The following PRDM12 variants were observed in gnomAD, a reference collection of about 807,000 sequenced individuals.
The protein encoded by PRDM12 is PR domain zinc finger protein 12.
PRDM12 carries 17 observed loss-of-function variants against 29.6 expected under a neutral mutation model. The ratio of observed to expected loss-of-function variants is 0.57; its 90% CI spans 0.39 to 0.86. The LOEUF (loss-of-function observed/expected upper bound fraction) is 0.86, where lower values mean the gene tolerates loss of function less well. Ranked by LOEUF, PRDM12 falls within the 40% of genes least tolerant of loss-of-function variation. PRDM12 has a pLI of 0.00. For synonymous variants in PRDM12, 231 were observed against 225.8 expected (o/e 1.02, Z -0.21); for missense variants, 422 against 510.8 (o/e 0.83, Z 1.68).
chr9:130,665,765 C>T (rs998074268), intron 1 of PRDM12, among the ~76,000 whole-genome samples: 1 of 149,504 alleles, frequency 6.7e-6, no homozygotes, highest in Non-Finnish European at 1.5e-5. Context: ...ACCGTTTAAC[C>T]CCCCCCTTTC....
In PRDM12 at chr9:130,664,921, A is replaced by T; in HGVS notation, c.223+45A>T. 1 of 1,471,532 alleles carries T rather than the reference A, an allele frequency of 6.8e-7. No individual in the cohort carries two copies. The highest frequency in any genetic ancestry group is 9.1e-7 in the Non-Finnish European group (1 of 1,102,878). 91.2% of individuals were successfully genotyped at this position (1,471,532 alleles called of 1,614,324 possible). A position where few individuals can be genotyped will look rare whatever the true frequency, so the allele number is the denominator to read the frequency against. On this transcript the variant is annotated intron_variant, in intron 1 of 4. Transcript: ENST00000253008. The surrounding 1 kb of genome is among the most constrained non-coding windows in gnomAD (Gnocchi z 6.4). Reference sequence around the variant, plus strand: ...CCCGGCGCAATCCCTCCTCCCGGCGACCCCCATTCCCGTCCTGGCGATGCG... The same window carrying T: ...CCCGGCGCAATCCCTCCTCCCGGCGTCCCCCATTCCCGTCCTGGCGATGCG...
chr9:130,668,976 A>G lies in PRDM12; in HGVS notation c.570+663A>G, dbSNP rs937012353. 6.6e-6 allele frequency among the ~76,000 whole-genome samples: 1 copy of G among 152,126 alleles called. No homozygotes were observed. Among genetic ancestry groups the G allele is most frequent in the Admixed American group, 6.5e-5 (1 of 15,276 alleles). On this transcript the variant is annotated intron_variant, in intron 3 of 4. Coordinates refer to ENST00000253008, the MANE Select transcript of PRDM12 (RefSeq NM_021619.3). The surrounding 1 kb of genome is among the most constrained non-coding windows in gnomAD (Gnocchi z 4.0). ...GCCATCTGGGGGGAGTGTTAGCACT[A>G]ATAGCTGCGCTTCCTGAGCCTTCTC...
chr9:130,681,696 G>A lies in PRDM12; in HGVS notation c.*27G>A. On this transcript the variant is annotated 3_prime_UTR_variant, in exon 5 of 5. Transcript: ENST00000253008. The surrounding 1 kb of genome is among the most constrained non-coding windows in gnomAD (Gnocchi z 8.1). ...CGCGCCCGCGCCCCCGCCGGGCCCC[G>A]CGCGCTCCTGGGTCCCCGGCACCCC... is the stretch of plus-strand genomic sequence containing the variant. 1.0e-6 allele frequency: 1 copy of A among 980,578 alleles called. No individual in the cohort carries two copies. Among genetic ancestry groups the A allele is most frequent in the Non-Finnish European group, 1.2e-6 (1 of 827,804 alleles). 60.7% of individuals were successfully genotyped at this position (980,578 alleles called of 1,614,324 possible). A position where few individuals can be genotyped will look rare whatever the true frequency, so the allele number is the denominator to read the frequency against.
Position 130,681,574 on chromosome 9 carries a change from C to A in PRDM12, c.1009C>A (p.Leu337Met). ...CGCGCTGCAGGCACACTCGCCCGCGCTGCCCGCCCCGCACGCGCACGCGCC... is the reference window on the plus strand; with the variant it reads ...CGCGCTGCAGGCACACTCGCCCGCGATGCCCGCCCCGCACGCGCACGCGCC... Reference protein sequence around the residue: ...STALQAHSPALPAPHAHAPAL... With the variant: ...STALQAHSPAMPAPHAHAPAL... Residue 337 changes from leucine to methionine, a missense_variant, in exon 5 of 5, where the codon CTG becomes ATG. By Grantham distance (15) the Leu-to-Met change is conservative (BLOSUM62 2). Coordinates refer to ENST00000253008, the MANE Select transcript of PRDM12 (RefSeq NM_021619.3). The surrounding 1 kb of genome is among the most constrained non-coding windows in gnomAD (Gnocchi z 8.1). 8.4e-7 allele frequency: 1 copy of A among 1,196,140 alleles called. No individual in the cohort carries two copies. Among genetic ancestry groups the A allele is most frequent in the Non-Finnish European group, 1.0e-6 (1 of 964,814 alleles). The allele number at this position is 1,196,140 out of a possible 1,614,324, so 74.1% of individuals were successfully genotyped here.
intron 1 of PRDM12, 128 bp from the exon 2 acceptor site, chr9:130,666,480 C>G: frequency 2.4e-6 from 3 of 1,265,124 alleles, no homozygotes; most frequent in Non-Finnish European, 3.2e-6. Flanking sequence ...GGTGGCTTCT[C>G]TGGATTTGGG....
intron 2 of PRDM12, among the ~76,000 whole-genome samples, chr9:130,667,935 C>T (rs1056743936): frequency 6.6e-6 from 1 of 152,202 alleles, no homozygotes; most frequent in Non-Finnish European, 1.5e-5. Flanking sequence ...CATGGTCAGC[C>T]CATAGAGCCC....
At chr9:130,672,435 C>T (rs13302426) in intron 3 of PRDM12, among the ~76,000 whole-genome samples, 7,058 of 152,266 alleles carry the variant, frequency 0.046, 205 homozygotes, top group Non-Finnish European at 0.069. Context: ...GCGATCTGCC[C>T]GCCTCGGCCT....
rs1290837756 is a variant in PRDM12, at chr9:130,682,286, T to C, written c.*617T>C. On this transcript the variant is annotated 3_prime_UTR_variant, in exon 5 of 5. Coordinates refer to ENST00000253008, the MANE Select transcript of PRDM12 (RefSeq NM_021619.3). The surrounding 1 kb of genome is among the most constrained non-coding windows in gnomAD (Gnocchi z 4.2). ...GAGATGCATCTTCTGGGCCCTTCTC[T>C]CCTTTAGGCCAGCTTACCCCCAAAC... 6.6e-6 allele frequency: 1 copy of C among 152,272 alleles called. No individual in the cohort carries two copies. Among genetic ancestry groups the C allele is most frequent in the Non-Finnish European group, 1.5e-5 (1 of 68,152 alleles). 9.4% of individuals were successfully genotyped at this position (152,272 alleles called of 1,614,324 possible). A position where few individuals can be genotyped will look rare whatever the true frequency, so the allele number is the denominator to read the frequency against.
At position 130,682,893 on chromosome 9, in the gene PRDM12, GTA is replaced by G. The variant is rs1344717163; in HGVS notation, c.*1225_*1226del. 1 of 152,608 alleles carries G rather than the reference GTA, an allele frequency of 6.6e-6. No homozygotes were observed. Among genetic ancestry groups the G allele is most frequent in the South Asian group, 2.1e-4 (1 of 4,838 alleles). The allele number at this position is 152,608 out of a possible 1,614,324, so 9.5% of individuals were successfully genotyped here. A position where few individuals can be genotyped will look rare whatever the true frequency, so the allele number is the denominator to read the frequency against. ...TATCTAAAATGATATTTACAAAACT[GTA>G]ATATATTATTATTTGATTGTATATG... On this transcript the variant is annotated 3_prime_UTR_variant, in exon 5 of 5. Coordinates refer to ENST00000253008, the MANE Select transcript of PRDM12 (RefSeq NM_021619.3). The surrounding 1 kb of genome is among the most constrained non-coding windows in gnomAD (Gnocchi z 4.2).
chr9:130,677,993 G>C (rs1395526900), intron 3 of PRDM12, among the ~76,000 whole-genome samples: 1 of 141,698 alleles, frequency 7.1e-6, no homozygotes, highest in African/African-American at 2.7e-5. Context: ...CGTGTGCACA[G>C]AGACACTCAG....
chr9:130,667,533 T>C (rs2313584), intron 2 of PRDM12, among the ~76,000 whole-genome samples: 99,356 of 151,140 alleles, frequency 0.66, 33,485 homozygotes, highest in East Asian at 0.99. Flanking sequence ...CCACTCCAGC[T>C]CCCCCCGGCG....
intron 2 of PRDM12, 128 bp downstream of exon 2, chr9:130,666,926 C>T (rs1008893228): frequency 2.4e-6 from 3 of 1,269,718 alleles, no homozygotes; most frequent in Non-Finnish European, 3.1e-6. Flanking sequence ...GGCCTGGACG[C>T]CCCCTGAGCC....
Position 130,666,753 on chromosome 9 carries a change from C to A in PRDM12, c.369C>A (p.Ala123=), listed in dbSNP as rs754591525. 1 of 1,612,452 alleles carries A rather than the reference C, an allele frequency of 6.2e-7. No individual in the cohort carries two copies. Among genetic ancestry groups the A allele is most frequent in the Admixed American group, 1.7e-5 (1 of 59,910 alleles). The stretch of plus-strand genomic sequence containing the variant: ...GCCCCTTCACCGGCCGCGTGATCGC[C>A]CCGGAGCACGTGGACATCTGCAAGA... ...EMGPFTGRVI[A]PEHVDICKNN... Residue 123 remains alanine (A), a synonymous_variant, in exon 2 of 5, where the codon GCC becomes GCA. Coordinates refer to ENST00000253008, the MANE Select transcript of PRDM12 (RefSeq NM_021619.3).
chr9:130,669,569 A>G (rs1469912806), intron 3 of PRDM12, among the ~76,000 whole-genome samples: 1 of 148,224 alleles, frequency 6.7e-6, no homozygotes, highest in African/African-American at 2.5e-5. Context: ...TAATCCCAGC[A>G]TTTTGGGAGG....
chr9:130,667,352 T>C (rs1036832837), intron 2 of PRDM12, among the ~76,000 whole-genome samples: 1 of 152,152 alleles, frequency 6.6e-6, no homozygotes, highest in Non-Finnish European at 1.5e-5. Context: ...GCCTTACTGT[T>C]CCCTTTTCAC....
chr9:130,666,532 G>T, intron 1 of PRDM12, 76 bp from the exon 2 acceptor site: 2 of 1,550,202 alleles, frequency 1.3e-6, no homozygotes, highest in Non-Finnish European at 8.7e-7. Flanking sequence ...CCGAAGCCGG[G>T]GTCCCGGCGG....
rs1376722359 is a variant in PRDM12 at position 130,681,868 on chromosome 9, C to T, written c.*199C>T. Reference sequence around the variant, plus strand: ...CAGATGAGGACACTGAGGGCGGCGTCCCTCACCCAGGCCACGCAGCTGGTG... The same window carrying T: ...CAGATGAGGACACTGAGGGCGGCGTTCCTCACCCAGGCCACGCAGCTGGTG... On this transcript the variant is annotated 3_prime_UTR_variant, in exon 5 of 5. Transcript: ENST00000253008. This position sits in a 1 kb window ranked among gnomAD's most constrained non-coding sequence, Gnocchi z 8.1. 1 of 386,576 alleles carries T rather than the reference C, an allele frequency of 2.6e-6. No homozygotes were observed. The highest frequency in any genetic ancestry group is 6.4e-5 in the Admixed American group (1 of 15,534). The allele number at this position is 386,576 out of a possible 1,614,324, so 23.9% of individuals were successfully genotyped here.
intron 3 of PRDM12, among the ~76,000 whole-genome samples, chr9:130,675,721 G>A (rs552546343): frequency 9.8e-5 from 15 of 152,358 alleles, no homozygotes; most frequent in African/African-American, 3.6e-4. Context: ...CGACTTGCCC[G>A]AGGTGACTTG....
In PRDM12 at chr9:130,668,439, T is replaced by C; in HGVS notation, c.570+126T>C. 1 of 1,455,894 alleles carries C rather than the reference T, an allele frequency of 6.9e-7. No homozygotes were observed. The highest frequency in any genetic ancestry group is 9.4e-7 in the Non-Finnish European group (1 of 1,065,226). 90.2% of individuals were successfully genotyped at this position (1,455,894 alleles called of 1,614,324 possible). On this transcript the variant is annotated intron_variant, in intron 3 of 4. Coordinates refer to ENST00000253008, the MANE Select transcript of PRDM12 (RefSeq NM_021619.3). This position sits in a 1 kb window ranked among gnomAD's most constrained non-coding sequence, Gnocchi z 4.0. ...GGGAGCTGACACTGGCCTCGCTGGC[T>C]CTGCGCAGGCCATGGGGCTGTGGCA... is the stretch of plus-strand genomic sequence containing the variant.
Sources: allele counts gnomAD v4.1 joint callset (sites outside exome capture counted in the v4.1 genomes callset), GRCh38; gene constraint gnomAD v4.1.1; non-coding constraint Gnocchi (gnomAD v3.1); transcripts MANE v1.5; gene names NCBI Gene and HGNC (gene_info 2026-07-23, HGNC 2026-07-21).